IQCE: variants seen among roughly 807,000 people sequenced by gnomAD.
The protein encoded by IQCE is IQ motif containing E.
Under a neutral mutation model 96.0 loss-of-function variants are expected in IQCE, and 115 were observed. That is an observed-to-expected ratio of 1.20 (90% CI 1.03 to 1.40). IQCE has a LOEUF of 1.40. IQCE is among the 40% of genes most tolerant of loss of function. IQCE has a pLI of 0.00. For synonymous variants in IQCE, 412 were observed against 371.2 expected (o/e 1.11, Z -1.26); for missense variants, 1,041 against 909.1 (o/e 1.15, Z -1.87).
At chr7:2,576,101 C>T (rs1782103686) in intron 6 of IQCE, among the ~76,000 whole-genome samples, 1 of 152,228 alleles carries the variant, frequency 6.6e-6, no homozygotes, top group South Asian at 2.1e-4. Context: ...CTGCAACGAT[C>T]TTGCCAGCTG....
chr7:2,598,466 C>T lies in IQCE; in HGVS notation c.1442C>T (p.Ala481Val). ...KEDCPEVPHK[A>V]QELPAPTPSS... Reference sequence around the variant, plus strand: ...TCTTACTCCTTCAATTTCCTGCAGGCCCAAGAGCTCCCAGCTCCCACTCCC... The same window carrying T: ...TCTTACTCCTTCAATTTCCTGCAGGTCCAAGAGCTCCCAGCTCCCACTCCC... The change falls in exon 17 of 22, where the codon GCC (alanine) becomes GTC (valine). Residue 481 changes from alanine (A) to valine (V), a missense_variant and splice_region_variant. By Grantham distance (64) the Ala-to-Val change is moderately conservative. Transcript: ENST00000402050. 6.4e-7 allele frequency: 1 copy of T among 1,571,944 alleles called. No individual in the cohort carries two copies. The highest frequency in any genetic ancestry group is 1.2e-5 in the South Asian group (1 of 85,448).
chr7:2,594,352 A>C (rs184007293), intron 15 of IQCE, among the ~76,000 whole-genome samples: 2 of 142,648 alleles, frequency 1.4e-5, no homozygotes, highest in African/African-American at 5.3e-5. Context: ...CTGAAAGGGC[A>C]CATGTGCAGA....
intron 17 of IQCE, among the ~76,000 whole-genome samples, chr7:2,598,988 T>A (rs964056160): frequency 6.6e-6 from 1 of 152,200 alleles, no homozygotes; most frequent in Non-Finnish European, 1.5e-5. Context: ...CAGTTTTACA[T>A]CCTCACCTAA....
At chr7:2,584,128 C>A in intron 10 of IQCE, 108 bp from the exon 11 acceptor site, 1 of 976,360 alleles carries the variant, frequency 1.0e-6, no homozygotes, top group Non-Finnish European at 1.7e-6. Flanking sequence ...CACTTAGTTC[C>A]CGCTTCTGGC....
chr7:2,566,965 C>A, intron 1 of IQCE, 151 bp from the exon 2 acceptor site: 1 of 660,372 alleles, frequency 1.5e-6, no homozygotes, highest in Non-Finnish European at 2.7e-6. Context: ...CTGGCTGCTG[C>A]CCAGCTGGAG....
At chr7:2,587,080 G>T (rs1423630074) in intron 12 of IQCE, among the ~76,000 whole-genome samples, 1 of 152,240 alleles carries the variant, frequency 6.6e-6, no homozygotes, top group Admixed American at 6.5e-5. Flanking sequence ...GGGTCTGGTT[G>T]CATCTTGTAG....
At position 2,610,175 on chromosome 7, in the gene IQCE, G is replaced by C. The variant is rs1443719193; in HGVS notation, c.*13G>C. On this transcript the variant is annotated 3_prime_UTR_variant, in exon 22 of 22. Coordinates refer to ENST00000402050, the MANE Select transcript of IQCE (RefSeq NM_152558.5). ...CTTTCCAGTTTAGGTCCCCGTCACT[G>C]TCTCCACGCCGTGATGGCAGCGCTG... 6.8e-7 allele frequency: 1 copy of C among 1,464,232 alleles called. No individual in the cohort carries two copies. The highest frequency in any genetic ancestry group is 9.6e-7 in the Non-Finnish European group (1 of 1,042,632). The allele number at this position is 1,464,232 out of a possible 1,614,324, so 90.7% of individuals were successfully genotyped here. A position where few individuals can be genotyped will look rare whatever the true frequency, so the allele number is the denominator to read the frequency against.
Position 2,566,064 on chromosome 7 carries a change from C to T in IQCE, c.37-1052C>T, listed in dbSNP as rs183148265. On this transcript the variant is annotated intron_variant, in intron 1 of 21. Transcript: ENST00000402050. ...GCAGTAGCATCCCATTATGATACTG[C>T]GTGGACTCAGCTATACCAGGGACAG... Among the ~76,000 whole-genome samples, 25 of 152,264 alleles carry T rather than the reference C, an allele frequency of 1.6e-4. No individual in the cohort carries two copies. The East Asian group carries it at 3.9e-3, about 23-fold the overall frequency.
intron 17 of IQCE, among the ~76,000 whole-genome samples, chr7:2,599,145 C>T (rs374730980): frequency 1.5e-4 from 23 of 152,216 alleles, no homozygotes; most frequent in African/African-American, 5.5e-4. Flanking sequence ...GTGTGGTTCA[C>T]AGCAGCCCCC....
chr7:2,593,000 A>G, intron 14 of IQCE, 22 bp from the exon 15 acceptor site: 1 of 1,573,502 alleles, frequency 6.4e-7, no homozygotes, highest in Non-Finnish European at 8.7e-7. Flanking sequence ...AACGCTGACG[A>G]GTCTCCTATT....
intron 6 of IQCE, among the ~76,000 whole-genome samples, chr7:2,574,334 C>G (rs1234631674): frequency 6.6e-6 from 1 of 152,220 alleles, no homozygotes; most frequent in Non-Finnish European, 1.5e-5. Flanking sequence ...GAAGCCGTTT[C>G]CATTGGGGAG....
intron 13 of IQCE, among the ~76,000 whole-genome samples, chr7:2,588,654 GTTTTTTTTT>G (rs370704456): frequency 4.0e-5 from 2 of 49,758 alleles, no homozygotes; most frequent in South Asian, 7.2e-4. Flanking sequence ...TGCCTGGCTG[GTTTTTTTTT>G]TTTTTTTTTT....
At chr7:2,589,786 A>G in intron 13 of IQCE, 121 bp from the exon 14 acceptor site, 1 of 927,040 alleles carries the variant, frequency 1.1e-6, no homozygotes, top group Non-Finnish European at 1.7e-6. Flanking sequence ...GTCCCCTCAA[A>G]GCTTTCTCAT....
chr7:2,600,881 C>T (rs1162487546), intron 17 of IQCE, among the ~76,000 whole-genome samples: 3 of 152,220 alleles, frequency 2.0e-5, no homozygotes, highest in Non-Finnish European at 4.4e-5. Context: ...GGGACCCTCT[C>T]TACTGATTGT....
intron 1 of IQCE, among the ~76,000 whole-genome samples, chr7:2,565,936 G>T (rs1319989331): frequency 1.3e-5 from 2 of 152,156 alleles, no homozygotes; most frequent in Admixed American, 6.5e-5. Context: ...CCTTATCCAT[G>T]TTATCATGCA....
chr7:2,560,797 A>G (rs1583370151), intron 1 of IQCE, among the ~76,000 whole-genome samples: 1 of 151,422 alleles, frequency 6.6e-6, no homozygotes, highest in East Asian at 2.0e-4. Flanking sequence ...CTCTACTACA[A>G]ATACAAAAAA....
At chr7:2,589,613 G>A (rs956140067) in intron 13 of IQCE, among the ~76,000 whole-genome samples, 6 of 152,120 alleles carry the variant, frequency 3.9e-5, no homozygotes, top group South Asian at 2.1e-4. Flanking sequence ...GTGCAGAGTC[G>A]TTTGAGTCCC....
chr7:2,582,063 T>TTC (rs1347210384), intron 8 of IQCE: 1 of 469,090 alleles, frequency 2.1e-6, no homozygotes, highest in South Asian at 1.6e-5. Flanking sequence ...AAGCAAGACA[T>TTC]TCACAGAAAA....
intron 1 of IQCE, among the ~76,000 whole-genome samples, chr7:2,565,750 A>G (rs187409241): frequency 4.6e-4 from 70 of 152,300 alleles, no homozygotes; most frequent in African/African-American, 1.6e-3. Context: ...TATAATTGTC[A>G]TATGCTGTTT....
Sources: allele counts gnomAD v4.1 joint callset (sites outside exome capture counted in the v4.1 genomes callset), GRCh38; gene constraint gnomAD v4.1.1; transcripts MANE v1.5; gene names NCBI Gene and HGNC (gene_info 2026-07-23, HGNC 2026-07-21).